The following MYO5A variants were observed in gnomAD, a reference collection of about 807,000 sequenced individuals.
The protein encoded by MYO5A is unconventional myosin-Va.
In MYO5A, 98 loss-of-function variants were observed where a neutral mutation model predicts 249.7. That is an observed-to-expected ratio of 0.39 (90% confidence interval 0.33 to 0.46). The LOEUF is 0.46. MYO5A is among the 20% of genes least tolerant of loss of function. The pLI is 0.98. For synonymous variants in MYO5A, 778 were observed against 810.6 expected (o/e 0.96, Z 0.68); for missense variants, 1,696 against 2,308.8 (o/e 0.73, Z 5.44).
In MYO5A at chr15:52,340,249, G is replaced by A. The variant is rs748229913; in HGVS notation, c.4186C>T (p.Arg1396Cys). ...TCGTGCTGCAGGCTGGCCTCAATGC[G>A]GGCCTCTGGGGGCAGCTGCAGGTTC... is the stretch of plus-strand genomic sequence containing the variant. ...AQNLQLPPEA[R>C]IEASLQHEIT... The change falls in exon 32 of 42, where the codon CGC (arginine) becomes TGC (cysteine). Residue 1396 changes from arginine (R) to cysteine (C), a missense_variant. This residue lies in a region of MYO5A where 625 missense variants were observed against 908.1 expected (regional missense o/e 0.69). Transcript: ENST00000399233. 7.4e-6 allele frequency: 12 copies of A among 1,613,930 alleles called. No individual in the cohort carries two copies. Among genetic ancestry groups the A allele is most frequent in the African/African-American group, 2.7e-5 (2 of 74,900 alleles).
Position 52,528,816 on chromosome 15 carries a change from C to A in MYO5A, c.-10G>T. 6.7e-7 allele frequency: 1 copy of A among 1,486,564 alleles called. No homozygotes were observed. The highest frequency in any genetic ancestry group is 8.9e-7 in the Non-Finnish European group (1 of 1,124,380). The allele number at this position is 1,486,564 out of a possible 1,614,324, so 92.1% of individuals were successfully genotyped here. ...GCTCCGACGCAGCCATGGCGGGCCC[C>A]GCGCGCCTACGCCCCCCGCCTGTGC... On this transcript the variant is annotated 5_prime_UTR_variant, in exon 1 of 42. Coordinates refer to ENST00000399233, the MANE Select transcript of MYO5A (RefSeq NM_001382347.1).
At chr15:52,320,589 A>C (rs1374701415) in intron 38 of MYO5A, among the ~76,000 whole-genome samples, 1 of 152,204 alleles carries the variant, frequency 6.6e-6, no homozygotes, top group Non-Finnish European at 1.5e-5. Context: ...TGATGTCTCA[A>C]ATAGCTAGTT....
chr15:52,322,197 C>T (rs2038362616), intron 37 of MYO5A, among the ~76,000 whole-genome samples: 1 of 152,248 alleles, frequency 6.6e-6, no homozygotes, highest in Admixed American at 6.5e-5. Context: ...TGCCTCCTTA[C>T]CACCTACTTA....
intron 1 of MYO5A, among the ~76,000 whole-genome samples, chr15:52,504,806 T>G (rs905903358): frequency 6.6e-6 from 1 of 151,792 alleles, no homozygotes; most frequent in Non-Finnish European, 1.5e-5. Context: ...AGAGAATTGC[T>G]TGGACCCAGC....
At chr15:52,466,406 G>A (rs1289156051) in intron 1 of MYO5A, among the ~76,000 whole-genome samples, 2 of 152,202 alleles carry the variant, frequency 1.3e-5, no homozygotes, top group African/African-American at 4.8e-5. Flanking sequence ...TGCCAGAGAG[G>A]TGTAGTATTG....
At chr15:52,443,000 C>G (rs1486659714) in intron 1 of MYO5A, among the ~76,000 whole-genome samples, 1 of 152,184 alleles carries the variant, frequency 6.6e-6, no homozygotes, top group Non-Finnish European at 1.5e-5. Context: ...ATCCGCCTGC[C>G]TTGGCCTCCC....
intron 14 of MYO5A, among the ~76,000 whole-genome samples, chr15:52,386,697 C>T (rs1004193236): frequency 3.3e-5 from 5 of 152,194 alleles, no homozygotes; most frequent in Admixed American, 6.5e-5. Flanking sequence ...TAGCCATGCA[C>T]CACCATGCCC....
chr15:52,334,296 CAA>C (rs2039017234), intron 34 of MYO5A, among the ~76,000 whole-genome samples: 1 of 151,874 alleles, frequency 6.6e-6, no homozygotes, highest in African/African-American at 2.4e-5. Context: ...AGGAGTTGAA[CAA>C]AAAAAGAATC....
At chr15:52,433,127 A>T (rs1012408553) in intron 2 of MYO5A, 48 bp downstream of exon 2, 5 of 1,325,398 alleles carry the variant, frequency 3.8e-6, no homozygotes, top group Non-Finnish European at 5.4e-6. Flanking sequence ...ACACTTTTGA[A>T]CTCCCTTCAC....
At chr15:52,433,978 AT>A (rs2075601278) in intron 1 of MYO5A, among the ~76,000 whole-genome samples, 1 of 141,686 alleles carries the variant, frequency 7.1e-6, no homozygotes, top group South Asian at 2.3e-4. Flanking sequence ...TACAATTTGG[AT>A]TTTTTTGTTC....
At chr15:52,370,554 C>T in intron 21 of MYO5A, 137 bp from the exon 22 acceptor site, 1 of 860,808 alleles carries the variant, frequency 1.2e-6, no homozygotes, top group Non-Finnish European at 1.8e-6. Flanking sequence ...AATACTACAA[C>T]ATTTGCAATA....
chr15:52,354,394 A>T (rs190626911), intron 25 of MYO5A, among the ~76,000 whole-genome samples: 13 of 152,350 alleles, frequency 8.5e-5, no homozygotes, highest in African/African-American at 2.9e-4. Flanking sequence ...AATTAATCCT[A>T]CAGAAATACT....
chr15:52,484,595 C>T (rs535173196), intron 1 of MYO5A, among the ~76,000 whole-genome samples: 1 of 152,114 alleles, frequency 6.6e-6, no homozygotes, highest in Non-Finnish European at 1.5e-5. Flanking sequence ...TAGAAAGAAT[C>T]AAAAATTGCA....
intron 9 of MYO5A, 62 bp downstream of exon 9, chr15:52,405,225 A>G (rs932388015): frequency 1.6e-6 from 2 of 1,232,510 alleles, no homozygotes; most frequent in Non-Finnish European, 2.4e-6. Context: ...GCTTCTTTAA[A>G]CAATCTACAA....
intron 4 of MYO5A, among the ~76,000 whole-genome samples, chr15:52,418,567 AGAGAAGGTAATACCAGAATT>A (rs940001451): frequency 6.6e-6 from 1 of 152,170 alleles, no homozygotes; most frequent in Non-Finnish European, 1.5e-5. Context: ...AAGCCTTTCC[AGAGAAGGTAATACCAGAATT>A]GAGAGGGTAA....
intron 32 of MYO5A, among the ~76,000 whole-genome samples, chr15:52,338,117 G>A (rs574070951): frequency 3.3e-5 from 5 of 151,966 alleles, no homozygotes; most frequent in Non-Finnish European, 7.4e-5. Flanking sequence ...GCTGTGGCCA[G>A]GATGCCATCA....
intron 12 of MYO5A, among the ~76,000 whole-genome samples, 167 bp from the exon 13 acceptor site, chr15:52,389,530 C>A (rs984553093): frequency 1.3e-5 from 2 of 152,028 alleles, no homozygotes; most frequent in African/African-American, 4.8e-5. Flanking sequence ...TAGAGGCCAA[C>A]AACCAATTAC....
intron 1 of MYO5A, among the ~76,000 whole-genome samples, chr15:52,453,588 T>TA (rs1468450970): frequency 6.6e-6 from 1 of 152,170 alleles, no homozygotes; most frequent in Non-Finnish European, 1.5e-5. Flanking sequence ...AATTCATAAC[T>TA]AGTATAATGT....
chr15:52,486,983 A>G (rs989395916), intron 1 of MYO5A, among the ~76,000 whole-genome samples: 1 of 152,234 alleles, frequency 6.6e-6, no homozygotes, highest in Non-Finnish European at 1.5e-5. Flanking sequence ...TTATGTACAA[A>G]TGCTTCTTAA....
Sources: allele counts gnomAD v4.1 joint callset (sites outside exome capture counted in the v4.1 genomes callset), GRCh38; gene constraint gnomAD v4.1.1; regional missense constraint gnomAD v4.1.1; transcripts MANE v1.5; gene names NCBI Gene and HGNC (gene_info 2026-07-23, HGNC 2026-07-21).